Variants in PLD5 observed in about 807,000 individuals in gnomAD.
PLD5 encodes the protein inactive phospholipase D5.
PLD5 carries 36 observed loss-of-function variants against 61.1 expected under a neutral mutation model. The observed-to-expected ratio is 0.59, with a 90% confidence interval of 0.45 to 0.78. The LOEUF is 0.78. Ranked by LOEUF, PLD5 falls within the 30% of genes least tolerant of loss-of-function variation. PLD5 has a pLI of 0.00. For synonymous variants in PLD5, 243 were observed against 242.8 expected (o/e 1.00, Z -0.01); for missense variants, 515 against 644.4 (o/e 0.80, Z 2.17).
chr1:242,488,742 C>G (rs369867074), intron 1 of PLD5, among the ~76,000 whole-genome samples: 1 of 152,188 alleles, frequency 6.6e-6, no homozygotes, highest in South Asian at 2.1e-4. Flanking sequence ...CTTTAGTTAA[C>G]CATACTGTAT....
intron 5 of PLD5, among the ~76,000 whole-genome samples, chr1:242,134,318 C>T (rs1227562424): frequency 6.6e-6 from 1 of 152,074 alleles, no homozygotes; most frequent in Non-Finnish European, 1.5e-5. Flanking sequence ...TGAAGCTAAG[C>T]AGGGTCAGGC....
chr1:242,099,397 G>A (rs1290657932), intron 9 of PLD5, among the ~76,000 whole-genome samples: 1 of 152,064 alleles, frequency 6.6e-6, no homozygotes, highest in Non-Finnish European at 1.5e-5. Flanking sequence ...AAAGTGGCTG[G>A]GATTACCGTG....
chr1:242,290,604 G>A (rs1406629501), intron 2 of PLD5, among the ~76,000 whole-genome samples: 3 of 151,910 alleles, frequency 2.0e-5, no homozygotes, highest in Admixed American at 6.6e-5. Flanking sequence ...ATGGAGAAAC[G>A]GGAAATAGAA....
intron 5 of PLD5, among the ~76,000 whole-genome samples, chr1:242,131,268 T>C (rs1045840492): frequency 6.6e-6 from 1 of 152,156 alleles, no homozygotes. Context: ...ATTGTGCCAC[T>C]GCACTTCAGC....
At chr1:242,460,580 C>T (rs1667086576) in intron 1 of PLD5, among the ~76,000 whole-genome samples, 1 of 152,086 alleles carries the variant, frequency 6.6e-6, no homozygotes. Context: ...TACTCTTCCT[C>T]TCTATCTACT....
intron 1 of PLD5, chr1:242,449,500 CCCT>C: frequency 6.6e-7 from 1 of 1,514,108 alleles, no homozygotes; most frequent in Non-Finnish European, 8.8e-7. Context: ...ACATTTCAGT[CCCT>C]CAATTGCTGG....
intron 5 of PLD5, among the ~76,000 whole-genome samples, chr1:242,216,948 T>C (rs139130285): frequency 5.9e-5 from 9 of 152,356 alleles, no homozygotes; most frequent in Non-Finnish European, 1.3e-4. Flanking sequence ...AGAATTATGC[T>C]AAATCAACTC....
intron 1 of PLD5, among the ~76,000 whole-genome samples, chr1:242,490,264 C>G (rs111826907): frequency 7.6e-4 from 115 of 152,296 alleles, no homozygotes; most frequent in Admixed American, 1.9e-3. Flanking sequence ...TCTTACCACA[C>G]GGCTTTTATG....
rs905584 is a variant in PLD5 at position 242,500,410 on chromosome 1, G to A, written c.189+23678C>T. Among the ~76,000 whole-genome samples the A allele has an allele frequency of 7.0e-3, 1,062 of 152,264 alleles. 13 individuals are homozygous for A. The highest frequency in any genetic ancestry group is 0.024 in the African/African-American group (997 of 41,544). ...CAACACTGTTCTATGCACAGTATCC[G>A]TAGACAAGAATAAATGACCATCCCT... On this transcript the variant is annotated intron_variant, in intron 1 of 9. Transcript: ENST00000536534.
intron 1 of PLD5, among the ~76,000 whole-genome samples, chr1:242,379,680 A>AT (rs1021959022): frequency 1.3e-5 from 2 of 151,900 alleles, no homozygotes; most frequent in Non-Finnish European, 2.9e-5. Context: ...TGCAGTTTCC[A>AT]TTTTTTGCAG....
At chr1:242,275,065 G>A (rs1211351309) in intron 3 of PLD5, among the ~76,000 whole-genome samples, 1 of 151,982 alleles carries the variant, frequency 6.6e-6, no homozygotes, top group Non-Finnish European at 1.5e-5. Context: ...ATATATATAT[G>A]TGTGTGTATA....
chr1:242,444,920 C>T (rs1427297173), intron 1 of PLD5, among the ~76,000 whole-genome samples: 2 of 151,788 alleles, frequency 1.3e-5, no homozygotes, highest in Non-Finnish European at 2.9e-5. Flanking sequence ...CAATAGATAA[C>T]ATAAGTCACA....
intron 6 of PLD5, among the ~76,000 whole-genome samples, chr1:242,116,437 CA>C (rs951478740): frequency 4.6e-5 from 7 of 152,282 alleles, no homozygotes; most frequent in African/African-American, 1.4e-4. Flanking sequence ...ATTTTAGACT[CA>C]GGGGGTACAG....
chr1:242,312,283 C>G (rs1392031040), intron 2 of PLD5, among the ~76,000 whole-genome samples: 1 of 151,214 alleles, frequency 6.6e-6, no homozygotes, highest in East Asian at 1.9e-4. Flanking sequence ...GAAAATTGGG[C>G]ATTTGAAAAA....
intron 4 of PLD5, among the ~76,000 whole-genome samples, chr1:242,236,657 A>G (rs1359979685): frequency 6.6e-6 from 1 of 152,238 alleles, no homozygotes; most frequent in Non-Finnish European, 1.5e-5. Context: ...TTCTACAACA[A>G]AACAGAATTT....
At chr1:242,476,829 T>G (rs1267932894) in intron 1 of PLD5, among the ~76,000 whole-genome samples, 1 of 152,174 alleles carries the variant, frequency 6.6e-6, no homozygotes, top group Non-Finnish European at 1.5e-5. Context: ...TAATTCACAC[T>G]TGTCCACTAC....
At chr1:242,278,912 AGGG>A (rs1290251048) in intron 3 of PLD5, among the ~76,000 whole-genome samples, 2 of 152,208 alleles carry the variant, frequency 1.3e-5, no homozygotes, top group Non-Finnish European at 1.5e-5. Context: ...TTTGAAATAA[AGGG>A]GCACTCTTTC....
At chr1:242,183,903 T>TAAATAAATAA (rs1374754123) in intron 5 of PLD5, among the ~76,000 whole-genome samples, 1 of 147,726 alleles carries the variant, frequency 6.8e-6, no homozygotes, top group Non-Finnish European at 1.5e-5. Context: ...TCAAAATAAA[T>TAAATAAATAA]AAATAAATAA....
intron 1 of PLD5, among the ~76,000 whole-genome samples, chr1:242,350,621 C>G (rs930860730): frequency 6.6e-6 from 1 of 152,126 alleles, no homozygotes; most frequent in Non-Finnish European, 1.5e-5. Context: ...CCTTAAATGA[C>G]AGATTGTAGT....
Sources: allele counts gnomAD v4.1 joint callset (sites outside exome capture counted in the v4.1 genomes callset), GRCh38; gene constraint gnomAD v4.1.1; transcripts MANE v1.5; gene names NCBI Gene and HGNC (gene_info 2026-07-23, HGNC 2026-07-21).